Variants in CCDC63 observed in about 807,000 individuals in gnomAD.
The protein encoded by CCDC63 is coiled-coil domain containing 63.
CCDC63 carries 54 observed loss-of-function variants against 63.6 expected under a neutral mutation model. That is an observed-to-expected ratio of 0.85 (90% CI 0.68 to 1.07). CCDC63 has a LOEUF of 1.07. Ranked by LOEUF, CCDC63 falls within the 50% of genes least tolerant of loss-of-function variation. CCDC63 has a pLI of 0.00. For synonymous variants in CCDC63, 253 were observed against 266.1 expected (o/e 0.95, Z 0.48); for missense variants, 637 against 689.6 (o/e 0.92, Z 0.86).
At chr12:110,850,854 T>C (rs1309862793) in intron 1 of CCDC63, among the ~76,000 whole-genome samples, 1 of 152,372 alleles carries the variant, frequency 6.6e-6, no homozygotes. Context: ...AATCGTTTTC[T>C]GAACACTCCT....
At chr12:110,868,772 A>G (rs141358999) in intron 4 of CCDC63, among the ~76,000 whole-genome samples, 420 of 64,828 alleles carry the variant, frequency 6.5e-3, no homozygotes, top group East Asian at 0.023. Flanking sequence ...AGGGGGAGGG[A>G]GAGGGAGAGG....
At chr12:110,873,741 AT>A in intron 4 of CCDC63, 100 bp from the exon 5 acceptor site, 1 of 1,447,930 alleles carries the variant, frequency 6.9e-7, no homozygotes, top group Non-Finnish European at 9.3e-7. Flanking sequence ...GCTGGTACCC[AT>A]ACAGATGCTA....
chr12:110,877,173 C>T (rs1230147541), intron 5 of CCDC63, among the ~76,000 whole-genome samples: 1 of 151,546 alleles, frequency 6.6e-6, no homozygotes, highest in Non-Finnish European at 1.5e-5. Context: ...ACAAGAACCT[C>T]TAAAATCTGC....
At chr12:110,845,019 G>C (rs545823049), upstream of CCDC63, among the ~76,000 whole-genome samples, 2 of 152,098 alleles carry the variant, frequency 1.3e-5, no homozygotes, top group African/African-American at 4.8e-5. Context: ...TCATCGCTTT[G>C]GCAAGCTGGC....
At chr12:110,897,088 A>G (rs1430877247) in intron 9 of CCDC63, among the ~76,000 whole-genome samples, 2 of 152,182 alleles carry the variant, frequency 1.3e-5, no homozygotes, top group Admixed American at 1.3e-4. Context: ...AACATTTTAA[A>G]ATAGTGAGAT....
intron 7 of CCDC63, among the ~76,000 whole-genome samples, chr12:110,883,630 T>G (rs1278794412): frequency 6.6e-6 from 1 of 152,124 alleles, no homozygotes; most frequent in African/African-American, 2.4e-5. Context: ...GTTTGTTTTT[T>G]GTTTGCTTGT....
intron 4 of CCDC63, among the ~76,000 whole-genome samples, chr12:110,861,510 G>A (rs2070852932): frequency 6.6e-6 from 1 of 151,962 alleles, no homozygotes; most frequent in Admixed American, 6.6e-5. Flanking sequence ...CCCTCTGCCT[G>A]GAGTGCCTTT....
Position 110,880,083 on chromosome 12 carries a change from C to G in CCDC63, c.667C>G (p.Gln223Glu), listed in dbSNP as rs745728789. ...AIEQSSQAYE[Q>E]RVEAMARMAA... is the part of the protein sequence containing the mutation. Reference sequence around the variant, plus strand: ...TGAGCAATCTTCTCAGGCCTATGAGCAGAGGTGGGCTGGGGATAGGTCCAG... The same window carrying G: ...TGAGCAATCTTCTCAGGCCTATGAGGAGAGGTGGGCTGGGGATAGGTCCAG... Residue 223 changes from glutamine (Q) to glutamate (E), a missense_variant, in exon 6 of 12, where the codon CAG (glutamine) becomes GAG (glutamate). Gln to Glu is a conservative substitution (Grantham distance 29, BLOSUM62 2). Transcript: ENST00000308208. 2 of 1,613,540 alleles carry G rather than the reference C, an allele frequency of 1.2e-6. No individual in the cohort carries two copies. Among genetic ancestry groups the G allele is most frequent in the Non-Finnish European group, 1.7e-6 (2 of 1,179,752 alleles).
At chr12:110,894,529 G>T (rs1446496751) in intron 9 of CCDC63, among the ~76,000 whole-genome samples, 1 of 152,166 alleles carries the variant, frequency 6.6e-6, no homozygotes, top group Non-Finnish European at 1.5e-5. Context: ...GGCCGCCAGG[G>T]TGTTATTCTC....
chr12:110,885,137 T>A (rs2071262296), intron 8 of CCDC63, among the ~76,000 whole-genome samples: 1 of 150,676 alleles, frequency 6.6e-6, no homozygotes, highest in Admixed American at 6.6e-5. Context: ...GTGTAGCCCA[T>A]GAGCTAAGAA....
chr12:110,904,702 G>T lies in CCDC63; in HGVS notation c.1457G>T (p.Gly486Val), dbSNP rs2071535496. The change falls in exon 11 of 12, where the codon GGT becomes GTT. Residue 486 changes from glycine (G) to valine (V), a missense_variant. Coordinates refer to ENST00000308208, the MANE Select transcript of CCDC63 (RefSeq NM_152591.3). Reference protein sequence around the residue: ...IPPPFINPFWGGSALLKPPEP... With the variant: ...IPPPFINPFWVGSALLKPPEP... ...CCACCCTTCATCAACCCTTTCTGGG[G>T]TGGCTCTGCCCTCCTCAAGCCCCCA... is the stretch of plus-strand genomic sequence containing the variant. 7 of 1,614,052 alleles carry T rather than the reference G, an allele frequency of 4.3e-6. No homozygotes were observed. The African/African-American group carries it at 6.7e-5, about 15-fold the overall frequency.
rs776999756 is a variant in CCDC63 at position 110,879,999 on chromosome 12, G to A, written c.583G>A (p.Val195Ile). 3.5e-5 allele frequency: 56 copies of A among 1,614,056 alleles called. No homozygotes were observed. Among genetic ancestry groups the A allele is most frequent in the Non-Finnish European group, 4.6e-5 (54 of 1,180,014 alleles). The stretch of plus-strand genomic sequence containing the variant: ...ATTTGAGAAGGCTGCTTATGACAAT[G>A]TCTACCAGCAGCTCCAGCACTGCCT... ...LRFEKAAYDN[V>I]YQQLQHCLLM... The change falls in exon 6 of 12, where the codon GTC (valine) becomes ATC (isoleucine). Residue 195 changes from valine to isoleucine, a missense_variant. Val to Ile is a conservative substitution (Grantham distance 29). Coordinates refer to ENST00000308208, the MANE Select transcript of CCDC63 (RefSeq NM_152591.3).
At chr12:110,878,187 CAT>C (rs1457401971) in intron 5 of CCDC63, among the ~76,000 whole-genome samples, 6 of 152,104 alleles carry the variant, frequency 3.9e-5, no homozygotes, top group Non-Finnish European at 7.3e-5. Context: ...CACACACACA[CAT>C]ATGTATCCAC....
At chr12:110,888,535 A>C (rs2071313613) in intron 8 of CCDC63, among the ~76,000 whole-genome samples, 1 of 152,192 alleles carries the variant, frequency 6.6e-6, no homozygotes, top group African/African-American at 2.4e-5. Flanking sequence ...AGGTTACAGA[A>C]CTATGACTTT....
chr12:110,849,027 C>T (rs1246589109), intron 1 of CCDC63, among the ~76,000 whole-genome samples: 1 of 152,216 alleles, frequency 6.6e-6, no homozygotes, highest in African/African-American at 2.4e-5. Context: ...GATACAGAAC[C>T]ATTGTCTTAT....
In CCDC63 at chr12:110,858,923, G is replaced by A. The variant is rs768970909; in HGVS notation, c.369+148G>A. On this transcript the variant is annotated intron_variant, in intron 4 of 11. Transcript: ENST00000308208. ...CCCGCTAAATGTGACTGCTGCTATC[G>A]TCTCGCTACCCTTGAGACCTCTGGG... 40 of 646,420 alleles carry A rather than the reference G, an allele frequency of 6.2e-5. No homozygotes were observed. In the Middle Eastern group the frequency reaches 2.5e-3, roughly 41 times the overall value. 40.0% of individuals were successfully genotyped at this position (646,420 alleles called of 1,614,324 possible). A position where few individuals can be genotyped will look rare whatever the true frequency, so the allele number is the denominator to read the frequency against.
intron 4 of CCDC63, among the ~76,000 whole-genome samples, chr12:110,869,963 A>G (rs971879875): frequency 6.6e-6 from 1 of 152,226 alleles, no homozygotes; most frequent in Non-Finnish European, 1.5e-5. Context: ...AAGATAATAT[A>G]GTTCTCACAT....
At position 110,893,169 on chromosome 12, in the gene CCDC63, G is replaced by A. The variant is rs982171967; in HGVS notation, c.1149+19G>A. On this transcript the variant is annotated intron_variant, in intron 9 of 11. Coordinates refer to ENST00000308208, the MANE Select transcript of CCDC63 (RefSeq NM_152591.3). ...GCTGGAGGTGAGAACAGGATCGGGAGGGAGGGATGCGGGAGCTTCTGTTGT... is the reference window on the plus strand; with the variant it reads ...GCTGGAGGTGAGAACAGGATCGGGAAGGAGGGATGCGGGAGCTTCTGTTGT... 1.9e-6 allele frequency: 3 copies of A among 1,604,682 alleles called. No homozygotes were observed. Among genetic ancestry groups the A allele is most frequent in the Non-Finnish European group, 8.5e-7 (1 of 1,171,902 alleles).
chr12:110,853,008 C>T, intron 2 of CCDC63, 45 bp downstream of exon 2: 2 of 1,595,302 alleles, frequency 1.3e-6, no homozygotes, highest in South Asian at 1.1e-5. Flanking sequence ...ACTATGGGGT[C>T]AGGCACTGTG....
Sources: gnomAD v4.1 joint callset for allele counts (sites outside exome capture counted in the v4.1 genomes callset) on GRCh38, gnomAD v4.1.1 for gene constraint, MANE v1.5 for transcripts, NCBI Gene and HGNC (gene_info 2026-07-23, HGNC 2026-07-21) for gene names.